RANBP2: variants seen among roughly 807,000 people sequenced by gnomAD.
The protein encoded by RANBP2 is RAN binding protein 2.
Under a neutral mutation model 303.6 loss-of-function variants are expected in RANBP2, and 57 were observed. The ratio of observed to expected loss-of-function variants is 0.19; its 90% CI spans 0.15 to 0.23. The LOEUF is 0.23. Among genes scored for constraint, RANBP2 ranks in the 10% least tolerant of loss-of-function variants. The pLI, the probability that RANBP2 is intolerant of heterozygous loss-of-function variation, is 1.00. For missense variants in RANBP2, 3,138 were observed against 3,780.8 expected (o/e 0.83, Z 4.46); for synonymous variants, 1,167 against 1,301.5 (o/e 0.90, Z 2.23).
chr2:109,632,805 C>A, the RANBP2 span, among the ~76,000 whole-genome samples: 28 of 149,720 alleles, frequency 1.9e-4, no homozygotes, highest in Middle Eastern at 3.4e-3. Flanking sequence ...GGCAACAGAG[C>A]GAGACTCTGT....
chr2:109,510,768 CA>C, the RANBP2 span, among the ~76,000 whole-genome samples: 2 of 152,190 alleles, frequency 1.3e-5, no homozygotes. Flanking sequence ...CAGCTAAAGC[CA>C]GGGTGAGCAG....
chr2:108,784,190 A>AT lies in RANBP2; in HGVS notation c.*291dup, dbSNP rs1402195915. 3.3e-6 allele frequency: 1 copy of AT among 307,048 alleles called. No individual in the cohort carries two copies. The highest frequency in any genetic ancestry group is 6.6e-5 in the East Asian group (1 of 15,178). The allele number at this position is 307,048 out of a possible 1,614,324, so 19.0% of individuals were successfully genotyped here. On this transcript the variant is annotated 3_prime_UTR_variant, in exon 29 of 29. Transcript: ENST00000283195. ...TGTTAAAAGCAATAGACCTCAAACTATTGAAGGAATATGATATATGCAATT... is the reference window on the plus strand; with the variant it reads ...TGTTAAAAGCAATAGACCTCAAACTATTTGAAGGAATATGATATATGCAATT...
chr2:109,428,428 G>C, the RANBP2 span, among the ~76,000 whole-genome samples: 1 of 152,250 alleles, frequency 6.6e-6, no homozygotes, highest in Non-Finnish European at 1.5e-5. Flanking sequence ...CGTGAAAGCA[G>C]ACACATGCCA....
chr2:109,748,080 G>A, the RANBP2 span, among the ~76,000 whole-genome samples: 1 of 15,564 alleles, frequency 6.4e-5, no homozygotes, highest in Non-Finnish European at 1.4e-4. Context: ...GCAATGGCGT[G>A]ATCTTGGCTC....
At chr2:109,333,480 C>T in the RANBP2 span, among the ~76,000 whole-genome samples, 1 of 152,198 alleles carries the variant, frequency 6.6e-6, no homozygotes, top group African/African-American at 2.4e-5. Context: ...TCACAGTCTA[C>T]AAAGTGAGGT....
At chr2:109,537,944 T>C in the RANBP2 span, among the ~76,000 whole-genome samples, 26 of 152,170 alleles carry the variant, frequency 1.7e-4, no homozygotes, top group African/African-American at 6.0e-4. Flanking sequence ...CAAGATCCTG[T>C]CTCAAAACAC....
chr2:108,995,667 T>A, the RANBP2 span, among the ~76,000 whole-genome samples: 6 of 152,208 alleles, frequency 3.9e-5, no homozygotes, highest in Non-Finnish European at 8.8e-5. Context: ...TCCCTTGCAG[T>A]TAGATGTTGC....
the RANBP2 span, chr2:109,313,621 A>C: frequency 6.5e-6 from 1 of 154,976 alleles, no homozygotes; most frequent in African/African-American, 2.4e-5. Flanking sequence ...CCCGGCCAGC[A>C]GTGGGGCTCA....
intron 26 of RANBP2, 59 bp from the exon 27 acceptor site, chr2:108,782,069 A>G: frequency 6.3e-7 from 1 of 1,581,198 alleles, no homozygotes; most frequent in Non-Finnish European, 8.6e-7. Context: ...GATCTTTGAA[A>G]TTTGTCATGG....
chr2:108,747,087 T>G (rs1314120184), intron 8 of RANBP2, among the ~76,000 whole-genome samples: 1 of 152,204 alleles, frequency 6.6e-6, no homozygotes, highest in Non-Finnish European at 1.5e-5. Context: ...CTGAACTAAG[T>G]ATAATTATTG....
At chr2:109,027,761 G>A in the RANBP2 span, among the ~76,000 whole-genome samples, 3 of 151,538 alleles carry the variant, frequency 2.0e-5, no homozygotes, top group Non-Finnish European at 4.4e-5. Context: ...AGTGGGCGGG[G>A]TGGGTGGGCG....
the RANBP2 span, among the ~76,000 whole-genome samples, chr2:108,935,755 C>G: frequency 6.6e-6 from 1 of 152,214 alleles, no homozygotes; most frequent in Non-Finnish European, 1.5e-5. Context: ...ATGTGGCAAT[C>G]TTATAGGCCC....
chr2:109,494,932 A>G, the RANBP2 span, among the ~76,000 whole-genome samples: 12 of 152,078 alleles, frequency 7.9e-5, no homozygotes, highest in East Asian at 2.3e-3. Flanking sequence ...TCCTCTGAGA[A>G]AGGACTAGGG....
At chr2:109,128,403 G>C in the RANBP2 span, 1 of 152,126 alleles carries the variant, frequency 6.6e-6, no homozygotes, top group African/African-American at 2.4e-5. Context: ...GTGCGGCGTG[G>C]AGCCGGGCGC....
the RANBP2 span, chr2:108,896,942 C>G: frequency 3.1e-6 from 5 of 1,613,110 alleles, no homozygotes; most frequent in Non-Finnish European, 4.2e-6. Flanking sequence ...GCAGGTGGCA[C>G]AACCCCCGCC....
the RANBP2 span, among the ~76,000 whole-genome samples, chr2:109,154,205 C>T: frequency 6.6e-6 from 1 of 152,206 alleles, no homozygotes; most frequent in Non-Finnish European, 1.5e-5. Flanking sequence ...CTAATCAGGC[C>T]TAGCATCCAT....
chr2:109,479,394 A>C, the RANBP2 span, among the ~76,000 whole-genome samples: 37 of 152,216 alleles, frequency 2.4e-4, no homozygotes, highest in Non-Finnish European at 4.6e-4. Context: ...TCTAAGGTTC[A>C]CTTTTAGCTC....
At chr2:108,846,658 C>A in the RANBP2 span, 1 of 1,273,812 alleles carries the variant, frequency 7.9e-7, no homozygotes, top group Non-Finnish European at 1.1e-6. Context: ...ACCTGGGCAA[C>A]AGAGCAAGAC....
rs772444809 is a variant in RANBP2 at position 108,765,042 on chromosome 2, T to C, written c.4503T>C (p.Ala1501=). 1.2e-6 allele frequency: 2 copies of C among 1,614,014 alleles called. No individual in the cohort carries two copies. The highest frequency in any genetic ancestry group is 1.7e-6 in the Non-Finnish European group (2 of 1,179,966). ...AGGGGAGCTCTACAAAATGTGCTGC[T>C]TGTCAGAATCCGAGAAAACAGAGTC... ...QNEGSSTKCA[A]CQNPRKQSLP... Residue 1501 remains alanine, a synonymous_variant, in exon 20 of 29, where the codon GCT becomes GCC. Transcript: ENST00000283195.
Sources: allele counts gnomAD v4.1 joint callset (sites outside exome capture counted in the v4.1 genomes callset), GRCh38; gene constraint gnomAD v4.1.1; transcripts MANE v1.5; gene names NCBI Gene and HGNC (gene_info 2026-07-23, HGNC 2026-07-21).